The following STX8 variants were observed in gnomAD, a reference collection of about 807,000 sequenced individuals.
The protein encoded by STX8 is syntaxin-8.
A neutral mutation model predicts 37.5 loss-of-function variants in STX8; 23 were observed. The ratio of observed to expected loss-of-function variants is 0.61; its 90% confidence interval spans 0.44 to 0.87. STX8 has a LOEUF of 0.87. STX8 is among the 40% of genes least tolerant of loss of function. The pLI is 0.00. For synonymous variants in STX8, 115 were observed against 99.1 expected (o/e 1.16, Z -0.95); for missense variants, 313 against 284.7 (o/e 1.10, Z -0.71).
intron 7 of STX8, among the ~76,000 whole-genome samples, chr17:9,374,150 C>T (rs551518468): frequency 4.4e-4 from 67 of 150,928 alleles, no homozygotes; most frequent in African/African-American, 8.3e-4. Context: ...GGCACGATCG[C>T]GGCTCACTGC....
chr17:9,441,005 A>C (rs73261875), intron 6 of STX8, among the ~76,000 whole-genome samples: 6,603 of 151,662 alleles, frequency 0.044, 514 homozygotes, highest in African/African-American at 0.15. Flanking sequence ...GGTTGACTCC[A>C]CTCCTGTGCC....
chr17:9,574,632 T>A lies in STX8; in HGVS notation c.17+1160A>T, dbSNP rs1291477908. Among the ~76,000 whole-genome samples the A allele has an allele frequency of 2.6e-5, 4 of 152,118 alleles. No individual in the cohort carries two copies. In the East Asian group the frequency reaches 7.8e-4, roughly 29 times the overall value. The stretch of plus-strand genomic sequence containing the variant: ...TCACCACAACCTACACCTCCCGGGT[T>A]CAAGCGATTCTCCTGCCTCAGTCTC... On this transcript the variant is annotated intron_variant, in intron 1 of 7. Transcript: ENST00000306357.
intron 4 of STX8, among the ~76,000 whole-genome samples, chr17:9,517,124 C>T (rs1259170141): frequency 6.6e-6 from 1 of 152,166 alleles, no homozygotes; most frequent in Non-Finnish European, 1.5e-5. Flanking sequence ...CCTGACTCCT[C>T]CATCTAAAAT....
Position 9,411,046 on chromosome 17 carries a change from A to G in STX8, c.542-32393T>C, listed in dbSNP as rs778184612. On this transcript the variant is annotated intron_variant, in intron 6 of 7. Coordinates refer to ENST00000306357, the MANE Select transcript of STX8 (RefSeq NM_004853.3). ...TCAAATAACAACCACTGCAAAGTCC[A>G]TAATTCTTACCTACCTGTGTTTCAA... Among the ~76,000 whole-genome samples the G allele has an allele frequency of 2.4e-4, 37 of 152,340 alleles. 1 individual carries two copies. The highest frequency in any genetic ancestry group is 8.4e-4 in the African/African-American group (35 of 41,580).
rs550913141 is a variant in STX8 at position 9,528,869 on chromosome 17, C to T, written c.323+16303G>A. Reference sequence around the variant, plus strand: ...AATGCCAAAATCATGCATATTTTTCCAGAGGGAAAGAGAAATACAAGAGAA... The same window carrying T: ...AATGCCAAAATCATGCATATTTTTCTAGAGGGAAAGAGAAATACAAGAGAA... On this transcript the variant is annotated intron_variant, in intron 4 of 7. Transcript: ENST00000306357. Among the ~76,000 whole-genome samples the T allele has an allele frequency of 3.8e-4, 57 of 150,458 alleles. No individual in the cohort carries two copies. In the East Asian group the frequency reaches 5.1e-3, roughly 13 times the overall value.
At chr17:9,523,409 T>C (rs550039365) in intron 4 of STX8, among the ~76,000 whole-genome samples, 351 of 139,312 alleles carry the variant, frequency 2.5e-3, no homozygotes, top group Non-Finnish European at 3.9e-3. Flanking sequence ...CACACACATA[T>C]ATATATTTAA....
At chr17:9,566,926 G>A (rs904267988) in intron 2 of STX8, among the ~76,000 whole-genome samples, 6 of 152,162 alleles carry the variant, frequency 3.9e-5, no homozygotes, top group Admixed American at 3.3e-4. Context: ...TATACACTAT[G>A]GAATATTATG....
intron 6 of STX8, among the ~76,000 whole-genome samples, chr17:9,412,007 CAA>C (rs1248941631): frequency 2.0e-5 from 3 of 152,036 alleles, no homozygotes; most frequent in Non-Finnish European, 2.9e-5. Flanking sequence ...ACATGGAACT[CAA>C]AAGTCTCAAA....
Position 9,352,466 on chromosome 17 carries a change from C to CT in STX8, c.643+26085dup, listed in dbSNP as rs745427686. On this transcript the variant is annotated intron_variant, in intron 7 of 7. Transcript: ENST00000306357. ...GAGCCTCTCCCCATCCTTACTCCCA[C>CT]TTTTTTTTTTTTTTTTTTTGAGACG... 7.7e-4 allele frequency among the ~76,000 whole-genome samples: 68 copies of CT among 88,100 alleles called. 1 individual carries two copies. The highest frequency in any genetic ancestry group is 1.8e-3 in the African/African-American group (40 of 21,950). 57.8% of individuals were successfully genotyped at this position (88,100 alleles called of 152,430 possible).
Position 9,498,485 on chromosome 17 carries a change from T to C in STX8, c.448+6553A>G, listed in dbSNP as rs150145869. On this transcript the variant is annotated intron_variant, in intron 5 of 7. Coordinates refer to ENST00000306357, the MANE Select transcript of STX8 (RefSeq NM_004853.3). ...CTCAGAGCAAGTTTAAGAATAGATGTTTTTATTTTTGTTTTAAGATTTTAG... is the reference window on the plus strand; with the variant it reads ...CTCAGAGCAAGTTTAAGAATAGATGCTTTTATTTTTGTTTTAAGATTTTAG... Among the ~76,000 whole-genome samples the C allele has an allele frequency of 3.3e-3, 496 of 152,124 alleles. 6 individuals carry two copies. Among genetic ancestry groups the C allele is most frequent in the African/African-American group, 0.011 (475 of 41,524 alleles).
At chr17:9,446,552 T>A (rs903026313) in intron 6 of STX8, among the ~76,000 whole-genome samples, 1 of 152,214 alleles carries the variant, frequency 6.6e-6, no homozygotes, top group African/African-American at 2.4e-5. Flanking sequence ...ACTACTGTTT[T>A]CCTTTTCACG....
chr17:9,448,728 G>A (rs554638738), intron 6 of STX8, among the ~76,000 whole-genome samples: 1 of 152,048 alleles, frequency 6.6e-6, no homozygotes, highest in Non-Finnish European at 1.5e-5. Flanking sequence ...GGACCCTAAC[G>A]CTGTATTTCC....
At chr17:9,452,640 G>A (rs889396444) in intron 6 of STX8, 1 of 152,144 alleles carries the variant, frequency 6.6e-6, no homozygotes, top group Non-Finnish European at 1.5e-5. Context: ...AGAACAGCTA[G>A]GGGTTCTCAG....
intron 4 of STX8, among the ~76,000 whole-genome samples, chr17:9,534,521 T>C (rs897551763): frequency 1.3e-5 from 2 of 152,254 alleles, no homozygotes; most frequent in African/African-American, 4.8e-5. Flanking sequence ...CCAGGCGTGG[T>C]GGCTCACACC....
chr17:9,349,590 G>C (rs1208070425), intron 7 of STX8, among the ~76,000 whole-genome samples: 1 of 152,014 alleles, frequency 6.6e-6, no homozygotes, highest in African/African-American at 2.4e-5. Flanking sequence ...CCAAAGTGCT[G>C]GGATTACAGG....
chr17:9,476,994 C>T (rs1208844999), intron 6 of STX8, among the ~76,000 whole-genome samples: 3 of 151,994 alleles, frequency 2.0e-5, no homozygotes, highest in Non-Finnish European at 4.4e-5. Context: ...TACAGGTGTA[C>T]ACCACCACAT....
intron 7 of STX8, among the ~76,000 whole-genome samples, chr17:9,358,665 G>A (rs1346629803): frequency 2.6e-5 from 4 of 152,304 alleles, no homozygotes; most frequent in East Asian, 1.9e-4. Context: ...AAAAGAAACC[G>A]GAGGATGGCA....
At chr17:9,531,085 AG>A (rs1428666969) in intron 4 of STX8, among the ~76,000 whole-genome samples, 2 of 152,236 alleles carry the variant, frequency 1.3e-5, no homozygotes, top group Non-Finnish European at 2.9e-5. Context: ...GTCATAAATC[AG>A]GTGACAATAT....
In STX8 at chr17:9,330,546, C is replaced by A. The variant is rs79428039; in HGVS notation, c.643+48006G>T. ...AAGATACACACTCTTCTGCCCCCTA[C>A]CACTTTTTTGTTGATGATCACCATT... is the stretch of plus-strand genomic sequence containing the variant. On this transcript the variant is annotated intron_variant, in intron 7 of 7. Coordinates refer to ENST00000306357, the MANE Select transcript of STX8 (RefSeq NM_004853.3). 9.9e-3 allele frequency among the ~76,000 whole-genome samples: 1,513 copies of A among 152,328 alleles called. 35 individuals are homozygous for A. The highest frequency in any genetic ancestry group is 0.034 in the African/African-American group (1,419 of 41,578).
Sources: gnomAD v4.1 joint callset for allele counts (sites outside exome capture counted in the v4.1 genomes callset) on GRCh38, gnomAD v4.1.1 for gene constraint, MANE v1.5 for transcripts, NCBI Gene and HGNC (gene_info 2026-07-23, HGNC 2026-07-21) for gene names.